The following ASTN1 variants were observed in gnomAD, a reference collection of about 807,000 sequenced individuals.
The protein encoded by ASTN1 is astrotactin 1.
ASTN1 carries 41 observed loss-of-function variants against 140.7 expected under a neutral mutation model. The ratio of observed to expected loss-of-function variants is 0.29; its 90% confidence interval spans 0.23 to 0.38. The LOEUF is 0.38. Among genes scored for constraint, ASTN1 ranks in the 10% least tolerant of loss-of-function variants. ASTN1 has a pLI of 1.00. For missense variants in ASTN1, 1,479 were observed against 1,678.8 expected, an observed-to-expected ratio of 0.88 and a Z score of 2.08; for synonymous variants, 640 against 652.2, an observed-to-expected ratio of 0.98 and a Z score of 0.29.
intron 1 of ASTN1, among the ~76,000 whole-genome samples, chr1:177,066,913 G>A (rs1309198131): frequency 2.0e-5 from 3 of 152,270 alleles, no homozygotes; most frequent in South Asian, 2.1e-4. Context: ...GTCAAGGCAG[G>A]AGGAAGCATT....
intron 16 of ASTN1, among the ~76,000 whole-genome samples, chr1:176,911,785 A>G (rs1571498185): frequency 6.6e-6 from 1 of 152,350 alleles, no homozygotes; most frequent in African/African-American, 2.4e-5. Context: ...GATAAAAAGC[A>G]TAGTATCAGA....
chr1:177,105,833 A>G (rs1216278539), intron 1 of ASTN1, among the ~76,000 whole-genome samples: 1 of 152,194 alleles, frequency 6.6e-6, no homozygotes, highest in Non-Finnish European at 1.5e-5. Flanking sequence ...ACTGTAAAAA[A>G]GAACACACAG....
At chr1:177,024,505 G>T in intron 6 of ASTN1, 78 bp downstream of exon 6, 1 of 1,535,522 alleles carries the variant, frequency 6.5e-7, no homozygotes, top group Non-Finnish European at 8.9e-7. Context: ...AGTGACTCCT[G>T]TCTTCTCTAG....
intron 8 of ASTN1, among the ~76,000 whole-genome samples, chr1:177,001,774 T>C (rs1054193472): frequency 6.6e-6 from 1 of 152,214 alleles, no homozygotes; most frequent in African/African-American, 2.4e-5. Context: ...GGTGCTATAA[T>C]AATACCAGGC....
chr1:177,025,863 G>A (rs1441363174), intron 5 of ASTN1, among the ~76,000 whole-genome samples: 1 of 152,108 alleles, frequency 6.6e-6, no homozygotes, highest in Non-Finnish European at 1.5e-5. Context: ...GATGTGGCTC[G>A]CATCATTGAC....
intron 8 of ASTN1, among the ~76,000 whole-genome samples, chr1:176,982,671 G>C (rs1306168979): frequency 6.6e-6 from 1 of 152,138 alleles, no homozygotes; most frequent in Non-Finnish European, 1.5e-5. Flanking sequence ...GAGAACTTTT[G>C]ACCTTCAGAA....
intron 8 of ASTN1, among the ~76,000 whole-genome samples, chr1:177,009,859 T>C (rs937017677): frequency 3.3e-5 from 5 of 152,190 alleles, no homozygotes; most frequent in South Asian, 2.1e-4. Flanking sequence ...TCCTTCAGCA[T>C]TGAAATCTAG....
chr1:176,904,442 T>A (rs917803967), intron 16 of ASTN1, among the ~76,000 whole-genome samples: 1 of 151,686 alleles, frequency 6.6e-6, no homozygotes, highest in African/African-American at 2.4e-5. Flanking sequence ...CCCTGCTGTG[T>A]CGCCACAGAC....
At chr1:177,149,254 GTAAATATATATATAC>G (rs1478498479) in intron 1 of ASTN1, among the ~76,000 whole-genome samples, 15 of 91,918 alleles carry the variant, frequency 1.6e-4, no homozygotes, top group East Asian at 8.9e-4. Context: ...ACTATATATA[GTAAATATATATATAC>G]TATATATAGT....
At chr1:177,036,813 C>A (rs1380446945) in intron 2 of ASTN1, among the ~76,000 whole-genome samples, 12 of 151,770 alleles carry the variant, frequency 7.9e-5, no homozygotes. Flanking sequence ...TAATTTCTTT[C>A]TTTTTTTTCT....
rs915092794 is a variant in ASTN1, at chr1:177,029,837, G to A, written c.1013-96C>T. On this transcript the variant is annotated intron_variant, in intron 4 of 22. Coordinates refer to ENST00000361833, the MANE Select transcript of ASTN1 (RefSeq NM_004319.3). ...GTTCAATGGGAAAATCAACAAAAAT[G>A]AAAGTAAGCTGACTGATAATCTGGG... 2.7e-5 allele frequency: 31 copies of A among 1,169,768 alleles called. No individual in the cohort carries two copies. In the Admixed American group the frequency reaches 4.0e-4, roughly 15 times the overall value. 72.5% of individuals were successfully genotyped at this position (1,169,768 alleles called of 1,614,324 possible).
chr1:177,113,279 A>G (rs1680909634), intron 1 of ASTN1, among the ~76,000 whole-genome samples: 1 of 152,216 alleles, frequency 6.6e-6, no homozygotes, highest in South Asian at 2.1e-4. Context: ...ACAGCAGGAA[A>G]GAGCCCACTG....
At chr1:176,975,712 C>T (rs981719104) in intron 8 of ASTN1, among the ~76,000 whole-genome samples, 3 of 152,192 alleles carry the variant, frequency 2.0e-5, no homozygotes, top group African/African-American at 7.2e-5. Context: ...TTTACCATGG[C>T]ATCTCTCATA....
chr1:176,857,745 G>A (rs1667856026), downstream of ASTN1: 1 of 423,764 alleles, frequency 2.4e-6, no homozygotes, highest in Non-Finnish European at 4.3e-6. Context: ...GAAAATGGAT[G>A]TGAGAACAAA....
intron 17 of ASTN1, among the ~76,000 whole-genome samples, chr1:176,894,183 C>T (rs1468516936): frequency 6.6e-6 from 1 of 151,998 alleles, no homozygotes; most frequent in African/African-American, 2.4e-5. Context: ...GGAAGCTGGC[C>T]CACCTCCCAA....
chr1:177,105,132 G>C (rs149513097), intron 1 of ASTN1, among the ~76,000 whole-genome samples: 1 of 152,128 alleles, frequency 6.6e-6, no homozygotes, highest in East Asian at 1.9e-4. Context: ...CCTCACTGAT[G>C]GGGGATTATA....
intron 8 of ASTN1, chr1:176,981,331 T>C (rs975206101): frequency 3.0e-4 from 46 of 152,012 alleles, no homozygotes; most frequent in African/African-American, 1.0e-3. Context: ...AGCAGATGAT[T>C]ATTACAGCTG....
At chr1:176,928,455 G>A (rs1476666616) in intron 16 of ASTN1, among the ~76,000 whole-genome samples, 2 of 152,314 alleles carry the variant, frequency 1.3e-5, no homozygotes, top group African/African-American at 2.4e-5. Context: ...GACAATCCAG[G>A]GAAATGTGGA....
chr1:177,134,741 G>C (rs1026759250), intron 1 of ASTN1, among the ~76,000 whole-genome samples: 1 of 152,162 alleles, frequency 6.6e-6, no homozygotes, highest in Admixed American at 6.5e-5. Context: ...AGAATGCAAA[G>C]AGGAAGTGGT....
Sources: allele counts gnomAD v4.1 joint callset (sites outside exome capture counted in the v4.1 genomes callset), GRCh38; gene constraint gnomAD v4.1.1; transcripts MANE v1.5; gene names NCBI Gene and HGNC (gene_info 2026-07-23, HGNC 2026-07-21).